The following PCSK5 variants were observed in gnomAD, a reference collection of about 807,000 sequenced individuals.
The protein encoded by PCSK5 is proprotein convertase subtilisin/kexin type 5, also known as prohormone convertase 5.
Under a neutral mutation model 233.2 loss-of-function variants are expected in PCSK5, and 129 were observed. The observed-to-expected ratio is 0.55, with a 90% confidence interval of 0.48 to 0.64. The LOEUF is 0.64. Among genes scored for constraint, PCSK5 ranks in the 30% least tolerant of loss-of-function variants. PCSK5 has a pLI of 0.00. For synonymous variants in PCSK5, 825 were observed against 879.2 expected (o/e 0.94, Z 1.09); for missense variants, 2,076 against 2,430.1 (o/e 0.85, Z 3.06).
rs753797365 is a variant in PCSK5 at position 76,239,091 on chromosome 9, TC to T, written c.3000del (p.Cys1001AlafsTer5). ...TGTGAGCTTTGCCACAGCGTGCATG[TC>T]TGCACAAGATGCATGAAGGGCTACT... ...DNCELCHSVHVCTRCMKGYFI... is the reference protein window; with the variant it reads ...DNCELCHSVHXCTRCMKGYFI... On this transcript the variant is annotated frameshift_variant, in exon 23 of 38. Transcript: ENST00000674117. LOFTEE classifies it high-confidence loss of function. The T allele has an allele frequency of 6.2e-7, 1 of 1,608,688 alleles. No homozygotes were observed.
chr9:76,292,130 C>G (rs541158402), intron 24 of PCSK5, 103 bp from the exon 25 acceptor site: 1 of 729,886 alleles, frequency 1.4e-6, no homozygotes. Context: ...TTTCATGAAA[C>G]TATCCCACAG....
intron 22 of PCSK5, among the ~76,000 whole-genome samples, chr9:76,234,787 G>T (rs1461765761): frequency 6.6e-6 from 1 of 152,102 alleles, no homozygotes; most frequent in Non-Finnish European, 1.5e-5. Flanking sequence ...AATATTAACT[G>T]TTTTTATTTT....
At chr9:76,197,119 A>G (rs1043701835) in intron 20 of PCSK5, among the ~76,000 whole-genome samples, 3 of 152,230 alleles carry the variant, frequency 2.0e-5, no homozygotes, top group Non-Finnish European at 2.9e-5. Flanking sequence ...AACTTGCTGC[A>G]TACAAGGTGC....
chr9:76,217,916 C>A (rs1825595920), intron 20 of PCSK5, among the ~76,000 whole-genome samples: 2 of 152,164 alleles, frequency 1.3e-5, no homozygotes, highest in South Asian at 4.1e-4. Context: ...CCCATCCATA[C>A]AAACGCCGCT....
At position 76,161,345 on chromosome 9, in the gene PCSK5, TTTC is replaced by T. The variant is rs565199946; in HGVS notation, c.1619+2177_1619+2179del. Among the ~76,000 whole-genome samples the T allele has an allele frequency of 3.3e-3, 503 of 152,170 alleles. 1 individual carries two copies. The highest frequency in any genetic ancestry group is 0.011 in the African/African-American group (474 of 41,526). On this transcript the variant is annotated intron_variant, in intron 12 of 37. Coordinates refer to ENST00000674117, the MANE Select transcript of PCSK5 (RefSeq NM_001372043.1). ...GGTAATTGCAGGTACCTGCCTGAGG[TTTC>T]TTTCCAGCAAGCAAAACTTCAGATA...
chr9:76,210,464 CT>C (rs1825289429), intron 20 of PCSK5, among the ~76,000 whole-genome samples: 1 of 152,204 alleles, frequency 6.6e-6, no homozygotes, highest in South Asian at 2.1e-4. Flanking sequence ...ACACTCTCCC[CT>C]GTAAGTTTGT....
At chr9:75,933,027 C>T (rs1372927180) in intron 2 of PCSK5, among the ~76,000 whole-genome samples, 1 of 152,110 alleles carries the variant, frequency 6.6e-6, no homozygotes, top group East Asian at 1.9e-4. Flanking sequence ...CTCTTGGGGC[C>T]TCATCAGGTA....
chr9:76,028,436 G>A (rs1002906628), intron 5 of PCSK5, among the ~76,000 whole-genome samples: 2 of 152,158 alleles, frequency 1.3e-5, no homozygotes, highest in Non-Finnish European at 2.9e-5. Flanking sequence ...GGTGGGTAGC[G>A]ACTTAGGAAG....
intron 7 of PCSK5, among the ~76,000 whole-genome samples, chr9:76,087,102 T>C (rs1246921093): frequency 6.6e-6 from 1 of 152,186 alleles, no homozygotes; most frequent in Non-Finnish European, 1.5e-5. Flanking sequence ...ATCTACACAA[T>C]TGTGATATTG....
chr9:76,021,915 T>C (rs1251014223), intron 3 of PCSK5, among the ~76,000 whole-genome samples: 1 of 152,120 alleles, frequency 6.6e-6, no homozygotes, highest in Non-Finnish European at 1.5e-5. Context: ...TTCTCTAAGC[T>C]CCAACAATAC....
intron 5 of PCSK5, among the ~76,000 whole-genome samples, chr9:76,067,654 A>C (rs568396389): frequency 6.6e-6 from 1 of 152,358 alleles, no homozygotes; most frequent in East Asian, 1.9e-4. Flanking sequence ...AGTGACAACT[A>C]TGTGGATCAG....
At chr9:76,087,586 A>G (rs541658057) in intron 7 of PCSK5, among the ~76,000 whole-genome samples, 12 of 152,348 alleles carry the variant, frequency 7.9e-5, no homozygotes, top group South Asian at 2.1e-4. Context: ...AGTTGATCCT[A>G]TAGTCATTAT....
Position 76,067,933 on chromosome 9 carries a change from AGT to A in PCSK5, c.633-13_633-12del. On this transcript the variant is annotated intron_variant, in intron 5 of 37. Transcript: ENST00000674117. ...GAGAATGGTGTGTCTTACTTGAGAA[AGT>A]GTGTGTGTTCTGCCTGCAGGCATGG... 3.8e-6 allele frequency: 6 copies of A among 1,599,174 alleles called. No individual in the cohort carries two copies. The highest frequency in any genetic ancestry group is 5.1e-6 in the Non-Finnish European group (6 of 1,167,230).
At chr9:75,930,335 G>T (rs561293336) in intron 1 of PCSK5, among the ~76,000 whole-genome samples, 1 of 152,282 alleles carries the variant, frequency 6.6e-6, no homozygotes, top group Non-Finnish European at 1.5e-5. Flanking sequence ...AGTACAGAAA[G>T]AATGCTGGTC....
intron 9 of PCSK5, among the ~76,000 whole-genome samples, chr9:76,131,942 T>C (rs1016869409): frequency 5.3e-5 from 8 of 152,288 alleles, no homozygotes; most frequent in South Asian, 2.1e-4. Context: ...GTGTATTCTT[T>C]GGTATCTCAC....
In PCSK5 at chr9:76,123,558, AATTATTTTTT is replaced by A. The variant is rs1225762755; in HGVS notation, c.1209-10538_1209-10529del. 3.9e-5 allele frequency among the ~76,000 whole-genome samples: 6 copies of A among 152,204 alleles called. No individual in the cohort carries two copies. The South Asian group carries it at 1.0e-3, about 26-fold the overall frequency. ...ATTTCTGCAACAGACCATTTTTGTT[AATTATTTTTT>A]ATTATTTTTTATCCCCAGAAGAATT... is the stretch of plus-strand genomic sequence containing the variant. On this transcript the variant is annotated intron_variant, in intron 9 of 37. Coordinates refer to ENST00000674117, the MANE Select transcript of PCSK5 (RefSeq NM_001372043.1).
At chr9:75,969,335 A>G (rs1251407024) in intron 2 of PCSK5, among the ~76,000 whole-genome samples, 1 of 152,190 alleles carries the variant, frequency 6.6e-6, no homozygotes, top group Non-Finnish European at 1.5e-5. Flanking sequence ...TTGAAGCAGA[A>G]CATTTCATTC....
chr9:76,134,654 TTTTG>T (rs1822898616), intron 10 of PCSK5, among the ~76,000 whole-genome samples: 1 of 152,088 alleles, frequency 6.6e-6, no homozygotes, highest in African/African-American at 2.4e-5. Context: ...CAAATTTTGT[TTTTG>T]TTTGTTATAA....
At chr9:76,048,040 G>A (rs902127448) in intron 5 of PCSK5, among the ~76,000 whole-genome samples, 1 of 152,200 alleles carries the variant, frequency 6.6e-6, no homozygotes, top group Admixed American at 6.5e-5. Context: ...CCGCTGTCAC[G>A]TTGCCGTCCT....
Sources: gnomAD v4.1 joint callset for allele counts (sites outside exome capture counted in the v4.1 genomes callset) on GRCh38, gnomAD v4.1.1 for gene constraint, MANE v1.5 for transcripts, NCBI Gene and HGNC (gene_info 2026-07-23, HGNC 2026-07-21) for gene names.